The following SLC13A3 variants were observed in gnomAD, a reference collection of about 807,000 sequenced individuals.
The protein encoded by SLC13A3 is Na(+)/dicarboxylate cotransporter 3.
A neutral mutation model predicts 59.0 loss-of-function variants in SLC13A3; 40 were observed. That is an observed-to-expected ratio of 0.68 (90% CI 0.53 to 0.88). The LOEUF (loss-of-function observed/expected upper bound fraction) is 0.88, where lower values mean the gene tolerates loss of function less well. SLC13A3 is among the 40% of genes least tolerant of loss of function. The pLI is 0.00. For missense variants in SLC13A3, 699 were observed against 783.2 expected, an observed-to-expected ratio of 0.89 and a Z score of 1.28; for synonymous variants, 317 against 330.3, an observed-to-expected ratio of 0.96 and a Z score of 0.44.
intron 1 of SLC13A3, among the ~76,000 whole-genome samples, chr20:46,661,173 T>C (rs1305317131): frequency 2.0e-5 from 3 of 152,248 alleles, no homozygotes; most frequent in African/African-American, 7.2e-5. Context: ...GTGTGGTTGC[T>C]AATCTTTGAA....
intron 1 of SLC13A3, among the ~76,000 whole-genome samples, chr20:46,637,599 A>G (rs933959548): frequency 2.0e-5 from 3 of 152,252 alleles, no homozygotes; most frequent in East Asian, 3.9e-4. Context: ...CAATACCACT[A>G]CGACTACTAC....
intron 8 of SLC13A3, 54 bp from the exon 9 acceptor site, chr20:46,583,723 G>T: frequency 6.2e-7 from 1 of 1,606,882 alleles, no homozygotes; most frequent in Non-Finnish European, 8.5e-7. Context: ...GCGGGCCGAG[G>T]TTTGGCAGAA....
At chr20:46,621,685 G>A (rs1208848085) in intron 1 of SLC13A3, among the ~76,000 whole-genome samples, 2 of 152,150 alleles carry the variant, frequency 1.3e-5, no homozygotes, top group African/African-American at 4.8e-5. Context: ...CAGCTGCTAG[G>A]GGCAACCCAG....
intron 1 of SLC13A3, among the ~76,000 whole-genome samples, chr20:46,614,449 T>G (rs1450195805): frequency 6.6e-6 from 1 of 152,174 alleles, no homozygotes; most frequent in Non-Finnish European, 1.5e-5. Context: ...GGGGAAATAC[T>G]CCCGCAGTCC....
chr20:46,591,535 C>T (rs1362394157), intron 6 of SLC13A3, among the ~76,000 whole-genome samples: 1 of 152,192 alleles, frequency 6.6e-6, no homozygotes, highest in Non-Finnish European at 1.5e-5. Context: ...GCTCAAGTCT[C>T]TGGGTCTGAA....
At chr20:46,584,095 T>A in intron 8 of SLC13A3, 1 of 985,390 alleles carries the variant, frequency 1.0e-6, no homozygotes, top group Non-Finnish European at 1.2e-6. Context: ...TACAGCCCAC[T>A]CACACCAGTG....
In SLC13A3 at chr20:46,613,677, T is replaced by A; in HGVS notation, c.160A>T (p.Thr54Ser). 1 of 1,611,448 alleles carries A rather than the reference T, an allele frequency of 6.2e-7. No individual in the cohort carries two copies. Among genetic ancestry groups the A allele is most frequent in the Non-Finnish European group, 8.5e-7 (1 of 1,178,990 alleles). ...GTCACTGAGAGCGGCAGGGCCTCCG[T>A]GCACCAGTACACCGCCATGAGCAGG... is the stretch of plus-strand genomic sequence containing the variant. Reference protein sequence around the residue: ...VILLMAVYWCTEALPLSVTAL... With the variant: ...VILLMAVYWCSEALPLSVTAL... Residue 54 changes from threonine to serine, a missense_variant, in exon 2 of 13, where the codon ACG becomes TCG. By Grantham distance (58) the Thr-to-Ser change is moderately conservative (BLOSUM62 1). Transcript: ENST00000279027.
intron 1 of SLC13A3, among the ~76,000 whole-genome samples, chr20:46,666,512 T>C (rs1466580793): frequency 1.3e-5 from 2 of 149,808 alleles, no homozygotes; most frequent in African/African-American, 5.0e-5. Context: ...GTTGTTGTTG[T>C]TGTTGCTTTG....
chr20:46,599,905 G>T (rs1008515895), intron 4 of SLC13A3, 66 bp downstream of exon 4: 2 of 1,266,370 alleles, frequency 1.6e-6, no homozygotes, highest in South Asian at 1.6e-5. Context: ...TTGCAGCATT[G>T]AATTCTTGTT....
chr20:46,585,893 G>A, intron 8 of SLC13A3: 1 of 978,966 alleles, frequency 1.0e-6, no homozygotes, highest in Non-Finnish European at 1.3e-6. Flanking sequence ...CAGGGAAGAG[G>A]TTGAGGCCCA....
rs183738081 is a variant in SLC13A3 at position 46,641,062 on chromosome 20, G to A, written c.111+10249C>T. Among the ~76,000 whole-genome samples, 24 of 152,220 alleles carry A rather than the reference G, an allele frequency of 1.6e-4. No homozygotes were observed. In the East Asian group the frequency reaches 4.3e-3, roughly 27 times the overall value. ...CAAACCGGGTAGGGAGAGCATGGAG[G>A]GGCACAGATGAGGGATCTGGGTCCA... On this transcript the variant is annotated intron_variant, in intron 1 of 12. Coordinates refer to ENST00000279027, the MANE Select transcript of SLC13A3 (RefSeq NM_022829.6).
At position 46,589,048 on chromosome 20, in the gene SLC13A3, T is replaced by C. The variant is rs2062225031; in HGVS notation, c.1016+112A>G. 1.4e-5 allele frequency: 12 copies of C among 873,796 alleles called. No homozygotes were observed. The Admixed American group carries it at 1.4e-4, about 10-fold the overall frequency. 54.1% of individuals were successfully genotyped at this position (873,796 alleles called of 1,614,324 possible). On this transcript the variant is annotated intron_variant, in intron 7 of 12. Coordinates refer to ENST00000279027, the MANE Select transcript of SLC13A3 (RefSeq NM_022829.6). ...CATCTCTAGGCTCCCACGCCACGGG[T>C]CCTGGAATTCCCCTGGAGCTCAGCC...
chr20:46,635,573 T>C (rs1463596126), intron 1 of SLC13A3, among the ~76,000 whole-genome samples: 1 of 152,042 alleles, frequency 6.6e-6, no homozygotes, highest in Non-Finnish European at 1.5e-5. Flanking sequence ...CATCCCCAAC[T>C]CCCTCCCTAC....
At chr20:46,636,542 C>T (rs913723372) in intron 1 of SLC13A3, among the ~76,000 whole-genome samples, 1 of 152,186 alleles carries the variant, frequency 6.6e-6, no homozygotes, top group Non-Finnish European at 1.5e-5. Flanking sequence ...GGACAAGGTC[C>T]CTATTAACCT....
At chr20:46,624,176 A>G (rs552219702) in intron 1 of SLC13A3, among the ~76,000 whole-genome samples, 1 of 151,910 alleles carries the variant, frequency 6.6e-6, no homozygotes, top group African/African-American at 2.4e-5. Flanking sequence ...ATTCACAGGA[A>G]CCCCATCCTT....
intron 1 of SLC13A3, among the ~76,000 whole-genome samples, chr20:46,619,441 A>G (rs2062593403): frequency 6.6e-6 from 1 of 152,198 alleles, no homozygotes; most frequent in Non-Finnish European, 1.5e-5. Context: ...CACTGAGACT[A>G]TTTCTCAACT....
chr20:46,675,709 G>T (rs912399769), intron 1 of SLC13A3, among the ~76,000 whole-genome samples: 1 of 151,756 alleles, frequency 6.6e-6, no homozygotes, highest in African/African-American at 2.4e-5. Context: ...AGCCTCCCCA[G>T]TCGCTGGGAC....
chr20:46,638,939 C>T lies in SLC13A3; in HGVS notation c.111+12372G>A, dbSNP rs1267211852. Reference sequence around the variant, plus strand: ...ATTGCCTCCAGACATTGCCACATGTCTCCTGGGAGCAAATTTGCTGGAAGA... The same window carrying T: ...ATTGCCTCCAGACATTGCCACATGTTTCCTGGGAGCAAATTTGCTGGAAGA... On this transcript the variant is annotated intron_variant, in intron 1 of 12. Transcript: ENST00000279027. Among the ~76,000 whole-genome samples the T allele has an allele frequency of 2.6e-5, 4 of 152,182 alleles. No individual in the cohort carries two copies. The East Asian group carries it at 7.7e-4, about 29-fold the overall frequency.
upstream of SLC13A3, among the ~76,000 whole-genome samples, chr20:46,674,590 C>T (rs561393969): frequency 3.9e-4 from 47 of 121,452 alleles, 1 homozygote; most frequent in East Asian, 1.6e-3. Context: ...GTGGGGAGTG[C>T]GCGCGCGCGC....
Sources: gnomAD v4.1 joint callset for allele counts (sites outside exome capture counted in the v4.1 genomes callset) on GRCh38, gnomAD v4.1.1 for gene constraint, MANE v1.5 for transcripts, NCBI Gene and HGNC (gene_info 2026-07-23, HGNC 2026-07-21) for gene names.